SHISA9: variants seen among roughly 807,000 people sequenced by gnomAD.
The protein encoded by SHISA9 is shisa family member 9.
A neutral mutation model predicts 38.0 loss-of-function variants in SHISA9; 13 were observed. The observed-to-expected ratio is 0.34, with a 90% CI of 0.22 to 0.54. The LOEUF (loss-of-function observed/expected upper bound fraction) is 0.54. Among genes scored for constraint, SHISA9 ranks in the 20% least tolerant of loss-of-function variants. SHISA9 has a pLI of 0.91. For synonymous variants in SHISA9, 275 were observed against 242.0 expected (o/e 1.14, Z -1.27); for missense variants, 538 against 575.8 (o/e 0.93, Z 0.67).
At chr16:13,188,219 G>A (rs1567240260) in intron 2 of SHISA9, among the ~76,000 whole-genome samples, 2 of 152,210 alleles carry the variant, frequency 1.3e-5, no homozygotes, top group South Asian at 2.1e-4. Context: ...TGCTAACCCA[G>A]TCCATGAAAG....
the SHISA9 span, among the ~76,000 whole-genome samples, chr16:13,469,413 G>GAAAGAA: frequency 1.5e-4 from 17 of 113,674 alleles, no homozygotes; most frequent in African/African-American, 5.5e-4. Flanking sequence ...AAGAAAGAAA[G>GAAAGAA]AAAGAAAGAA....
At chr16:12,926,172 C>T (rs1305785048) in intron 2 of SHISA9, among the ~76,000 whole-genome samples, 1 of 152,214 alleles carries the variant, frequency 6.6e-6, no homozygotes, top group Non-Finnish European at 1.5e-5. Context: ...AAACCACAGA[C>T]ATGAACTATG....
chr16:13,429,110 A>T, the SHISA9 span, among the ~76,000 whole-genome samples: 1 of 152,150 alleles, frequency 6.6e-6, no homozygotes, highest in Non-Finnish European at 1.5e-5. Flanking sequence ...AGGATGGATG[A>T]CGGGATAGTT....
At chr16:13,465,467 C>T in the SHISA9 span, among the ~76,000 whole-genome samples, 3 of 152,270 alleles carry the variant, frequency 2.0e-5, no homozygotes, top group Admixed American at 6.5e-5. Context: ...AAAGATATCA[C>T]CTTAAGCCAG....
intron 2 of SHISA9, among the ~76,000 whole-genome samples, chr16:12,952,463 C>G (rs1291108119): frequency 6.6e-6 from 1 of 152,168 alleles, no homozygotes; most frequent in East Asian, 1.9e-4. Flanking sequence ...CTGTTAGAAT[C>G]CTTTTGTTCC....
intron 2 of SHISA9, among the ~76,000 whole-genome samples, chr16:12,977,055 C>T (rs956633997): frequency 6.6e-6 from 1 of 152,124 alleles, no homozygotes; most frequent in African/African-American, 2.4e-5. Flanking sequence ...TCCAAGGCCC[C>T]TGAGGTTTGG....
At chr16:13,234,816 C>G (rs2051365186) in intron 4 of SHISA9, among the ~76,000 whole-genome samples, 2 of 151,938 alleles carry the variant, frequency 1.3e-5, no homozygotes, top group Non-Finnish European at 2.9e-5. Context: ...GCCTTTAATC[C>G]TCTTGGTCCT....
chr16:12,942,454 G>A lies in SHISA9; in HGVS notation c.691+25639G>A, dbSNP rs570739600. 1.5e-3 allele frequency among the ~76,000 whole-genome samples: 225 copies of A among 152,338 alleles called. 2 individuals carry two copies. Among genetic ancestry groups the A allele is most frequent in the Non-Finnish European group, 2.3e-3 (154 of 68,034 alleles). On this transcript the variant is annotated intron_variant, in intron 2 of 4. Transcript: ENST00000558583. ...AGAATCAAGTTGACCAACCATGGAA[G>A]CATGAGTCCCTCAGTGTTCATAACA...
rs201845767 is a variant in SHISA9 at position 13,208,443 on chromosome 16, C to T, written c.848-4810C>T. ...TTTTCCTTTCTTTTTCTTTTTTTTT[C>T]TTTTTTTTTTTTTTTGAGACAGAGT... On this transcript the variant is annotated intron_variant, in intron 3 of 4. Coordinates refer to ENST00000558583, the MANE Select transcript of SHISA9 (RefSeq NM_001145204.3). Among the ~76,000 whole-genome samples the T allele has an allele frequency of 9.3e-3, 1,164 of 124,908 alleles. 30 individuals carry two copies. The highest frequency in any genetic ancestry group is 0.066 in the East Asian group (292 of 4,410). 81.9% of individuals were successfully genotyped at this position (124,908 alleles called of 152,430 possible). A position where few individuals can be genotyped will look rare whatever the true frequency, so the allele number is the denominator to read the frequency against.
chr16:13,437,235 G>T, the SHISA9 span, among the ~76,000 whole-genome samples: 2 of 151,994 alleles, frequency 1.3e-5, no homozygotes, highest in Admixed American at 1.3e-4. Flanking sequence ...ACATCTGGGG[G>T]GATTGGTTGC....
At chr16:13,122,250 T>G (rs1251882530) in intron 2 of SHISA9, among the ~76,000 whole-genome samples, 3 of 152,222 alleles carry the variant, frequency 2.0e-5, no homozygotes, top group Admixed American at 6.5e-5. Flanking sequence ...ACTGCCGAAT[T>G]CTTTTGCTGC....
the SHISA9 span, among the ~76,000 whole-genome samples, chr16:13,524,815 C>T: frequency 3.9e-5 from 6 of 152,046 alleles, no homozygotes; most frequent in African/African-American, 1.5e-4. Context: ...AATTCTCCTA[C>T]CTTGGCCTCC....
intron 2 of SHISA9, among the ~76,000 whole-genome samples, chr16:12,929,983 T>A (rs2071442845): frequency 6.6e-6 from 1 of 152,144 alleles, no homozygotes; most frequent in Non-Finnish European, 1.5e-5. Flanking sequence ...ACAGAAAATA[T>A]CCCAGCCCAT....
At chr16:13,262,470 T>A in the SHISA9 span, among the ~76,000 whole-genome samples, 95 of 152,320 alleles carry the variant, frequency 6.2e-4, no homozygotes, top group Non-Finnish European at 1.2e-3. Flanking sequence ...CTTATCAGGT[T>A]GTATCACACT....
the SHISA9 span, among the ~76,000 whole-genome samples, chr16:13,259,491 G>T: frequency 6.6e-6 from 1 of 152,180 alleles, no homozygotes; most frequent in Non-Finnish European, 1.5e-5. Flanking sequence ...CTCTGTGTGG[G>T]GGCTCCAACC....
chr16:13,469,324 A>AGAGAG, the SHISA9 span, among the ~76,000 whole-genome samples: 4 of 81,346 alleles, frequency 4.9e-5, no homozygotes, highest in African/African-American at 2.2e-4. Context: ...GAGAGAGAGA[A>AGAGAG]AGAAAGAAAG....
At chr16:13,469,405 G>GAA in the SHISA9 span, among the ~76,000 whole-genome samples, 38 of 124,494 alleles carry the variant, frequency 3.1e-4, no homozygotes, top group African/African-American at 1.2e-3. Context: ...AAGAAAGAAA[G>GAA]AAAGAAAGAA....
intron 2 of SHISA9, among the ~76,000 whole-genome samples, chr16:13,199,651 G>C (rs149874490): frequency 6.6e-6 from 1 of 152,176 alleles, no homozygotes. Flanking sequence ...AAATTCACTT[G>C]ACTTCATGGC....
chr16:13,379,470 C>T, the SHISA9 span, among the ~76,000 whole-genome samples: 3 of 152,220 alleles, frequency 2.0e-5, no homozygotes, highest in Admixed American at 6.5e-5. Context: ...CCTCCTCCTG[C>T]TCCAGCCTGC....
Sources: allele counts gnomAD v4.1 joint callset (sites outside exome capture counted in the v4.1 genomes callset), GRCh38; gene constraint gnomAD v4.1.1; transcripts MANE v1.5; gene names NCBI Gene and HGNC (gene_info 2026-07-23, HGNC 2026-07-21).